The following SYNE2 variants were observed in gnomAD, a reference collection of about 807,000 sequenced individuals.
SYNE2 encodes nesprin-2.
In SYNE2, 431 loss-of-function variants were observed where a neutral mutation model predicts 856.3. The observed-to-expected ratio is 0.50, with a 90% CI of 0.47 to 0.55. The LOEUF (loss-of-function observed/expected upper bound fraction) is 0.55. SYNE2 is among the 20% of genes least tolerant of loss of function. The probability of loss-of-function intolerance (pLI) is 0.00; values close to 1 mark genes in which losing one functional copy is unlikely to be tolerated. For missense variants in SYNE2, 8,129 were observed against 8,023.2 expected (o/e 1.01, Z -0.50); for synonymous variants, 2,923 against 2,872.3 (o/e 1.02, Z -0.56).
At chr14:64,144,923 C>CTTTTT (rs573628737) in intron 83 of SYNE2, among the ~76,000 whole-genome samples, 8 of 116,184 alleles carry the variant, frequency 6.9e-5, no homozygotes, top group South Asian at 2.8e-4. Context: ...ATTGGGGCAG[C>CTTTTT]TTTTTTTTTT....
intron 82 of SYNE2, among the ~76,000 whole-genome samples, chr14:64,142,372 C>T (rs929020757): frequency 2.0e-5 from 3 of 152,282 alleles, no homozygotes; most frequent in Non-Finnish European, 4.4e-5. Flanking sequence ...TAACCACAGA[C>T]TCTGCCTGAC....
Position 64,073,875 on chromosome 14 carries a change from A to G in SYNE2, c.10698-93A>G, listed in dbSNP as rs989170475. ...AATAACCATCCTTTAGTAGCTATTC[A>G]GGCATTTCATTAATTGTTGCAATAA... On this transcript the variant is annotated intron_variant, in intron 52 of 115. Coordinates refer to ENST00000555002, the MANE Select transcript of SYNE2 (RefSeq NM_182914.3). 16 of 1,360,850 alleles carry G rather than the reference A, an allele frequency of 1.2e-5. No individual in the cohort carries two copies. The African/African-American group carries it at 2.2e-4, about 18-fold the overall frequency. The allele number at this position is 1,360,850 out of a possible 1,614,324, so 84.3% of individuals were successfully genotyped here.
Position 63,961,625 on chromosome 14 carries a change from G to C in SYNE2, c.888G>C (p.Gln296His), listed in dbSNP as rs1484398393. Reference protein sequence around the residue: ...KDAPGTGEEAQGKVKDAMGWL... With the variant: ...KDAPGTGEEAHGKVKDAMGWL... ...CCCCTGGGACTGGAGAGGAGGCTCA[G>C]GTATGTTTTCATATGCATAAATCAA... Residue 296 changes from glutamine to histidine, a missense_variant and splice_region_variant, in exon 9 of 116, where the codon CAG becomes CAC. Gln to His is a conservative substitution (Grantham distance 24). This residue lies in a region of SYNE2 where 2,422 missense variants were observed against 2,357.4 expected (regional missense o/e 1.03). Coordinates refer to ENST00000555002, the MANE Select transcript of SYNE2 (RefSeq NM_182914.3). The C allele has an allele frequency of 6.2e-7, 1 of 1,609,994 alleles. No individual in the cohort carries two copies. Among genetic ancestry groups the C allele is most frequent in the East Asian group, 2.2e-5 (1 of 44,866 alleles).
At chr14:64,046,189 A>C (rs1271535827) in intron 45 of SYNE2, among the ~76,000 whole-genome samples, 1 of 152,262 alleles carries the variant, frequency 6.6e-6, no homozygotes, top group Non-Finnish European at 1.5e-5. Context: ...TATTGAAAGA[A>C]AGAGCAAGTG....
At chr14:64,212,208 TAAAGC>T in intron 104 of SYNE2, 110 bp downstream of exon 104, 1 of 1,561,344 alleles carries the variant, frequency 6.4e-7, no homozygotes. Flanking sequence ...TCAGAATTCT[TAAAGC>T]AGCCAGGCTA....
intron 1 of SYNE2, among the ~76,000 whole-genome samples, chr14:63,807,364 G>A (rs1158137873): frequency 6.6e-6 from 1 of 150,954 alleles, no homozygotes; most frequent in Non-Finnish European, 1.5e-5. Flanking sequence ...AAAAAAGTAG[G>A]TCTGTACTAA....
At chr14:64,125,819 G>A (rs954543435) in intron 71 of SYNE2, among the ~76,000 whole-genome samples, 37 of 152,070 alleles carry the variant, frequency 2.4e-4, no homozygotes, top group African/African-American at 8.5e-4. Flanking sequence ...TCTCACAATC[G>A]GCTCATAAAT....
chr14:64,210,952 T>A (rs1442979182), intron 103 of SYNE2, among the ~76,000 whole-genome samples: 1 of 152,086 alleles, frequency 6.6e-6, no homozygotes, highest in Non-Finnish European at 1.5e-5. Context: ...TCTCTCTCCT[T>A]TCCTGTCTCT....
chr14:64,215,550 G>T, intron 107 of SYNE2, 196 bp downstream of exon 107: 1 of 658,528 alleles, frequency 1.5e-6, no homozygotes, highest in Non-Finnish European at 2.7e-6. Context: ...CCAAGCCAGA[G>T]CCGTCTCGAT....
At chr14:63,868,206 C>A (rs1384634162) in intron 1 of SYNE2, among the ~76,000 whole-genome samples, 1 of 152,066 alleles carries the variant, frequency 6.6e-6, no homozygotes, top group Non-Finnish European at 1.5e-5. Flanking sequence ...GAAAGGTGAC[C>A]TAACAGCATT....
chr14:63,792,014 T>TCATTTTTAAG (rs1887756083), intron 1 of SYNE2, among the ~76,000 whole-genome samples: 1 of 151,978 alleles, frequency 6.6e-6, no homozygotes, highest in African/African-American at 2.4e-5. Context: ...AGATATTTGT[T>TCATTTTTAAG]TAATGCAAAA....
Position 64,051,981 on chromosome 14 carries a change from A to G in SYNE2, c.8068A>G (p.Met2690Val), listed in dbSNP as rs771572283. 2.5e-6 allele frequency: 4 copies of G among 1,613,916 alleles called. No individual in the cohort carries two copies. The African/African-American group carries it at 4.0e-5, about 16-fold the overall frequency. Residue 2690 changes from methionine to valine, a missense_variant, in exon 48 of 116, where the codon ATG (methionine) becomes GTG (valine). Transcript: ENST00000555002. ...SVLKGQAELQ[M>V]KRIWGEKEKK... is the part of the protein sequence containing the mutation. The stretch of plus-strand genomic sequence containing the variant: ...TTTAAAGGGGCAAGCTGAACTTCAG[A>G]TGAAGAGGATTTGGGGAGAAAAAGA...
At chr14:63,861,432 C>T (rs537709754) in intron 1 of SYNE2, among the ~76,000 whole-genome samples, 62 of 151,954 alleles carry the variant, frequency 4.1e-4, no homozygotes, top group African/African-American at 1.3e-3. Context: ...CATGAGCCAC[C>T]GTGCCTGGCC....
intron 1 of SYNE2, among the ~76,000 whole-genome samples, chr14:63,885,325 C>T (rs1209193984): frequency 1.1e-5 from 1 of 91,242 alleles, no homozygotes; most frequent in African/African-American, 4.1e-5. Flanking sequence ...CTGGGCCTTT[C>T]TCACTGTCTC....
rs563953052 is a variant in SYNE2, at chr14:63,772,887, C to T, written c.-305+10901C>T. On this transcript the variant is annotated intron_variant, in intron 1 of 23. Coordinates refer to the SYNE2 transcript ENST00000674003. ...CCACCTCCCAGGTTCAAGTGATCCT[C>T]CTGCCTCAGCCTCCCGAGTAGCTTG... Among the ~76,000 whole-genome samples, 3 of 151,956 alleles carry T rather than the reference C, an allele frequency of 2.0e-5. No homozygotes were observed. In the South Asian group the frequency reaches 6.2e-4, roughly 32 times the overall value.
chr14:63,795,886 A>G lies in SYNE2; in HGVS notation c.-305+33900A>G, dbSNP rs760973592. On this transcript the variant is annotated intron_variant, in intron 1 of 23. Transcript: ENST00000674003. ...TCTGTGGAAGAAATCAAACAGAAAG[A>G]CTACTTATTTTATAATTGCATTACA... is the stretch of plus-strand genomic sequence containing the variant. 3.3e-5 allele frequency among the ~76,000 whole-genome samples: 5 copies of G among 152,364 alleles called. No homozygotes were observed. In the East Asian group the frequency reaches 5.8e-4, roughly 18 times the overall value.
chr14:64,220,392 C>T, intron 110 of SYNE2, 45 bp from the exon 111 acceptor site: 1 of 1,608,372 alleles, frequency 6.2e-7, no homozygotes, highest in Non-Finnish European at 8.5e-7. Context: ...AGCCCCTCCT[C>T]CCTACTTTCA....
chr14:64,140,322 G>T (rs549055081), intron 80 of SYNE2, among the ~76,000 whole-genome samples: 1 of 152,186 alleles, frequency 6.6e-6, no homozygotes, highest in Non-Finnish European at 1.5e-5. Flanking sequence ...AGTGGCTCAC[G>T]CCTGTAATCC....
chr14:64,157,924 T>G (rs1391195858), intron 85 of SYNE2, among the ~76,000 whole-genome samples: 1 of 152,238 alleles, frequency 6.6e-6, no homozygotes, highest in African/African-American at 2.4e-5. Flanking sequence ...TTTAGTTAGT[T>G]TATCTGTCTT....
Sources: allele counts gnomAD v4.1 joint callset (sites outside exome capture counted in the v4.1 genomes callset), GRCh38; gene constraint gnomAD v4.1.1; regional missense constraint gnomAD v4.1.1; transcripts MANE v1.5; gene names NCBI Gene and HGNC (gene_info 2026-07-23, HGNC 2026-07-21).